The following MRPS5 variants were observed in gnomAD, a reference collection of about 807,000 sequenced individuals.
MRPS5 encodes small ribosomal subunit protein uS5m.
In MRPS5, 27 loss-of-function variants were observed where a neutral mutation model predicts 51.9. The ratio of observed to expected loss-of-function variants is 0.52; its 90% confidence interval spans 0.38 to 0.72. MRPS5 has a LOEUF of 0.72. Ranked by LOEUF, MRPS5 falls within the 30% of genes least tolerant of loss-of-function variation. The pLI is 0.00. For missense variants in MRPS5, 570 were observed against 545.7 expected, an observed-to-expected ratio of 1.04 and a Z score of -0.44; for synonymous variants, 196 against 193.2, an observed-to-expected ratio of 1.01 and a Z score of -0.12.
intron 10 of MRPS5, among the ~76,000 whole-genome samples, chr2:95,093,960 C>T (rs1675543248): frequency 6.6e-6 from 1 of 152,086 alleles, no homozygotes; most frequent in Non-Finnish European, 1.5e-5. Context: ...ATGTTCAAAC[C>T]CCATCACAAG....
chr2:95,105,941 T>C (rs1218423654), intron 6 of MRPS5, among the ~76,000 whole-genome samples: 3 of 152,162 alleles, frequency 2.0e-5, no homozygotes, highest in Non-Finnish European at 4.4e-5. Flanking sequence ...GCAAAGTGAC[T>C]ATAGTTTACC....
Position 95,100,677 on chromosome 2 carries a change from A to AT in MRPS5, c.869-142dup. 3.4e-6 allele frequency: 3 copies of AT among 885,972 alleles called. No individual in the cohort carries two copies. In the South Asian group the frequency reaches 5.1e-5, roughly 15 times the overall value. 54.9% of individuals were successfully genotyped at this position (885,972 alleles called of 1,614,324 possible). ...TAAATGGTAAGCTCTGATTTCATTCATTTTAGTAACCTTCTTAGGAGATTT... is the reference window on the plus strand; with the variant it reads ...TAAATGGTAAGCTCTGATTTCATTCATTTTTAGTAACCTTCTTAGGAGATTT... On this transcript the variant is annotated intron_variant, in intron 9 of 11. Coordinates refer to ENST00000272418, the MANE Select transcript of MRPS5 (RefSeq NM_031902.5).
At chr2:95,098,367 G>GCTA (rs1216012938) in intron 10 of MRPS5, among the ~76,000 whole-genome samples, 1 of 152,144 alleles carries the variant, frequency 6.6e-6, no homozygotes, top group East Asian at 1.9e-4. Context: ...TATAAATCAT[G>GCTA]CTACTATAAA....
intron 6 of MRPS5, among the ~76,000 whole-genome samples, chr2:95,105,883 C>T (rs1017005290): frequency 6.6e-6 from 1 of 152,172 alleles, no homozygotes. Context: ...TAACACTGAG[C>T]ATTCAGTGCC....
intron 8 of MRPS5, 146 bp downstream of exon 8, chr2:95,101,531 A>AT (rs879749556): frequency 1.2e-5 from 7 of 585,162 alleles, no homozygotes; most frequent in African/African-American, 1.9e-5. Flanking sequence ...TCTGAAACTG[A>AT]TTTTTATGAG....
chr2:95,116,642 A>T (rs1208341985), intron 2 of MRPS5, among the ~76,000 whole-genome samples: 1 of 152,246 alleles, frequency 6.6e-6, no homozygotes, highest in Non-Finnish European at 1.5e-5. Context: ...AATTATTATT[A>T]ATTTCAGACC....
intron 10 of MRPS5, among the ~76,000 whole-genome samples, chr2:95,094,232 T>C (rs991990365): frequency 1.3e-5 from 2 of 152,096 alleles, no homozygotes; most frequent in South Asian, 2.1e-4. Context: ...TATGGGACTA[T>C]GTGAAAAGAC....
intron 1 of MRPS5, 145 bp downstream of exon 1, chr2:95,121,589 G>C: frequency 1.1e-6 from 1 of 869,614 alleles, no homozygotes; most frequent in East Asian, 3.3e-5. Flanking sequence ...GTCACACAGC[G>C]GCTCCGGCGG....
intron 3 of MRPS5, among the ~76,000 whole-genome samples, chr2:95,113,146 A>T (rs1676175671): frequency 6.6e-6 from 1 of 152,124 alleles, no homozygotes; most frequent in African/African-American, 2.4e-5. Flanking sequence ...CACCTCTAGA[A>T]CAAGGCTTTT....
chr2:95,109,779 A>C, intron 4 of MRPS5, 137 bp downstream of exon 4: 1 of 969,022 alleles, frequency 1.0e-6, no homozygotes, highest in East Asian at 2.8e-5. Context: ...GAGTAAGTCA[A>C]CTGGTTGAAT....
At chr2:95,121,982 G>A, upstream of MRPS5, 1 of 612,376 alleles carries the variant, frequency 1.6e-6, no homozygotes, top group Non-Finnish European at 2.6e-6. Flanking sequence ...CGGCGCGACC[G>A]CGGACAGCCC....
chr2:95,107,434 C>A (rs1448630544), intron 5 of MRPS5, among the ~76,000 whole-genome samples: 1 of 152,196 alleles, frequency 6.6e-6, no homozygotes, highest in Non-Finnish European at 1.5e-5. Context: ...GCAAGTGAAG[C>A]CACTTCACAC....
At position 95,110,435 on chromosome 2, in the gene MRPS5, T is replaced by A. The variant is rs1375211328; in HGVS notation, c.278-394A>T. 1.3e-5 allele frequency among the ~76,000 whole-genome samples: 2 copies of A among 152,210 alleles called. 1 individual carries two copies. The highest frequency in any genetic ancestry group is 3.8e-4 in the East Asian group (2 of 5,198). On this transcript the variant is annotated intron_variant, in intron 3 of 11. Coordinates refer to ENST00000272418, the MANE Select transcript of MRPS5 (RefSeq NM_031902.5). ...AACTAATAACTATCCTTCCTAAGTA[T>A]AAGTTTTCTAGTCCAAACAAGAATC...
chr2:95,094,516 T>A (rs1202532778), intron 10 of MRPS5, among the ~76,000 whole-genome samples: 2 of 152,214 alleles, frequency 1.3e-5, no homozygotes, highest in African/African-American at 2.4e-5. Context: ...GGGAAGCCCA[T>A]CAGACTAACA....
intron 10 of MRPS5, among the ~76,000 whole-genome samples, chr2:95,099,464 CAAT>C (rs1416325371): frequency 7.2e-5 from 11 of 152,098 alleles, no homozygotes; most frequent in African/African-American, 2.4e-4. Context: ...GTAATCAATA[CAAT>C]AATATTTTTG....
intron 9 of MRPS5, 96 bp downstream of exon 9, chr2:95,100,741 G>T: frequency 9.8e-7 from 1 of 1,015,746 alleles, no homozygotes; most frequent in East Asian, 2.6e-5. Context: ...TGTAATAAGA[G>T]AGAAACACAA....
At chr2:95,101,872 G>A (rs1675814677) in intron 7 of MRPS5, 149 bp from the exon 8 acceptor site, 2 of 604,890 alleles carry the variant, frequency 3.3e-6, no homozygotes, top group African/African-American at 3.7e-5. Flanking sequence ...ACCATTAATA[G>A]GCTGGGTGTA....
At position 95,085,841 on chromosome 2, in the gene MRPS5, T is replaced by C. The variant is rs531956266; in HGVS notation, c.*1516A>G. 1.6e-4 allele frequency among the ~76,000 whole-genome samples: 25 copies of C among 152,192 alleles called. No individual in the cohort carries two copies. Among genetic ancestry groups the C allele is most frequent in the East Asian group, 3.9e-4 (2 of 5,188 alleles). ...ACTCATCATAACAAGAACTAGGACA[T>C]TGTAAACTTGAATGAGAAAAAACCT... On this transcript the variant is annotated 3_prime_UTR_variant, in exon 12 of 12. Coordinates refer to ENST00000272418, the MANE Select transcript of MRPS5 (RefSeq NM_031902.5).
intron 7 of MRPS5, chr2:95,104,008 T>A (rs1675876251): frequency 6.6e-6 from 1 of 152,466 alleles, no homozygotes; most frequent in African/African-American, 2.4e-5. Flanking sequence ...TTTTCCTGTG[T>A]TCTTTTCCTT....
Sources: allele counts gnomAD v4.1 joint callset (sites outside exome capture counted in the v4.1 genomes callset), GRCh38; gene constraint gnomAD v4.1.1; transcripts MANE v1.5; gene names NCBI Gene and HGNC (gene_info 2026-07-23, HGNC 2026-07-21).